The following TRIM66 variants were observed in gnomAD, a reference collection of about 807,000 sequenced individuals.
The protein encoded by TRIM66 is tripartite motif-containing protein 66.
TRIM66 carries 99 observed loss-of-function variants against 148.2 expected under a neutral mutation model. That is an observed-to-expected ratio of 0.67 (90% confidence interval 0.57 to 0.79). The LOEUF (loss-of-function observed/expected upper bound fraction) is 0.79, where lower values mean the gene tolerates loss of function less well. Among genes scored for constraint, TRIM66 ranks in the 30% least tolerant of loss-of-function variants. The pLI, the probability that TRIM66 is intolerant of heterozygous loss-of-function variation, is 0.00. For synonymous variants in TRIM66, 616 were observed against 635.9 expected, an observed-to-expected ratio of 0.97 and a Z score of 0.47; for missense variants, 1,666 against 1,697.9, an observed-to-expected ratio of 0.98 and a Z score of 0.33.
chr11:8,617,915 T>C lies in TRIM66; in HGVS notation c.*29A>G, dbSNP rs555144426. The C allele has an allele frequency of 6.4e-6, 10 of 1,550,642 alleles. No individual in the cohort carries two copies. In the African/African-American group the frequency reaches 1.4e-4, roughly 21 times the overall value. Reference sequence around the variant, plus strand: ...ATGGTCGACAGTATGGGACAACAGCTGCCAGAGTGCCCAGTCTCCTTTTGG... The same window carrying C: ...ATGGTCGACAGTATGGGACAACAGCCGCCAGAGTGCCCAGTCTCCTTTTGG... On this transcript the variant is annotated 3_prime_UTR_variant, in exon 25 of 25. Coordinates refer to ENST00000646038, the MANE Select transcript of TRIM66 (RefSeq NM_001388022.1).
chr11:8,672,746 C>A (rs1401360060), intron 4 of TRIM66, among the ~76,000 whole-genome samples: 1 of 151,518 alleles, frequency 6.6e-6, no homozygotes, highest in East Asian at 1.9e-4. Flanking sequence ...CTCATCCCAC[C>A]TCAGCCTCAC....
At chr11:8,633,342 G>A (rs1167840983) in intron 15 of TRIM66, among the ~76,000 whole-genome samples, 5 of 151,828 alleles carry the variant, frequency 3.3e-5, no homozygotes, top group Non-Finnish European at 7.4e-5. Context: ...AAATTATTTT[G>A]AATAGGAGTA....
At chr11:8,643,980 C>G (rs1185008505) in intron 12 of TRIM66, among the ~76,000 whole-genome samples, 1 of 152,200 alleles carries the variant, frequency 6.6e-6, no homozygotes, top group Non-Finnish European at 1.5e-5. Context: ...TCATTGATCT[C>G]TTGCATGGCA....
intron 6 of TRIM66, among the ~76,000 whole-genome samples, chr11:8,665,707 C>T (rs1486080200): frequency 6.6e-6 from 1 of 152,184 alleles, no homozygotes; most frequent in Non-Finnish European, 1.5e-5. Context: ...CCTGTAATCC[C>T]AGCACTTTGG....
At chr11:8,618,090 C>T in intron 24 of TRIM66, 87 bp from the exon 25 acceptor site, 1 of 1,286,968 alleles carries the variant, frequency 7.8e-7, no homozygotes, top group Non-Finnish European at 1.1e-6. Context: ...TGCAGTTCTG[C>T]CAAGTCAACG....
chr11:8,658,652 G>A (rs1053140227), intron 6 of TRIM66: 3 of 445,156 alleles, frequency 6.7e-6, no homozygotes, highest in Non-Finnish European at 3.0e-6. Context: ...CGCAGCAGCG[G>A]TGCCTGCACA....
intron 15 of TRIM66, among the ~76,000 whole-genome samples, chr11:8,628,992 C>T (rs2035139608): frequency 6.6e-6 from 1 of 152,114 alleles, no homozygotes; most frequent in Non-Finnish European, 1.5e-5. Flanking sequence ...TAATAGTGTT[C>T]AGTTTTTTAA....
chr11:8,634,184 T>A (rs1849082452), intron 15 of TRIM66, among the ~76,000 whole-genome samples: 3 of 152,158 alleles, frequency 2.0e-5, no homozygotes, highest in South Asian at 4.1e-4. Context: ...TTTCATTTTC[T>A]TAAGACAATC....
At position 8,628,636 on chromosome 11, in the gene TRIM66, A is replaced by AAAAGAGAGAG. The variant is rs1555042270; in HGVS notation, c.2311-3409_2311-3408insCTCTCTCTTT. The stretch of plus-strand genomic sequence containing the variant: ...TCAAAAAAAAAAAAAAAAAAAAAAA[A>AAAAGAGAGAG]AGAGAGAGAATCCAGATCTTTGGTA... On this transcript the variant is annotated intron_variant, in intron 15 of 24. Transcript: ENST00000646038. Among the ~76,000 whole-genome samples, 15 of 93,336 alleles carry AAAAGAGAGAG rather than the reference A, an allele frequency of 1.6e-4. 1 individual carries two copies. The highest frequency in any genetic ancestry group is 2.8e-4 in the East Asian group (1 of 3,622). The allele number at this position is 93,336 out of a possible 152,430, so 61.2% of individuals were successfully genotyped here.
intron 13 of TRIM66, among the ~76,000 whole-genome samples, chr11:8,642,505 G>A (rs1427922099): frequency 6.6e-6 from 1 of 152,060 alleles, no homozygotes; most frequent in East Asian, 1.9e-4. Flanking sequence ...TTGCAGCAGG[G>A]AAGAAAAATG....
At position 8,638,686 on chromosome 11, in the gene TRIM66, T is replaced by C. The variant is rs532030777; in HGVS notation, c.2278A>G (p.Ile760Val). The stretch of plus-strand genomic sequence containing the variant: ...ACCACATTTGGAGAGGAGTGCTGGA[T>C]GGTGCTGTCCACTGGGGGGACACTG... The part of the protein sequence containing the change: ...PLSVPPVDST[I>V]QHSSPNVVRK... The change falls in exon 15 of 25, where the codon ATC (isoleucine) becomes GTC (valine). Residue 760 changes from isoleucine to valine, a missense_variant. This residue lies in a region of TRIM66 where 1,431 missense variants were observed against 1,412.4 expected (regional missense o/e 1.01). Transcript: ENST00000646038. The C allele has an allele frequency of 1.3e-6, 2 of 1,549,564 alleles. No homozygotes were observed. The highest frequency in any genetic ancestry group is 2.7e-5 in the African/African-American group (2 of 72,938).
Position 8,651,908 on chromosome 11 carries a change from G to A in TRIM66, c.341-5C>T. 6.5e-7 allele frequency: 1 copy of A among 1,547,692 alleles called. No individual in the cohort carries two copies. The highest frequency in any genetic ancestry group is 8.7e-7 in the Non-Finnish European group (1 of 1,144,036). ...ACCCAGGACAGGAGATGAGCTCTGT[G>A]CAAGAAAGAAAGATAGCAGAGTCAG... On this transcript the variant is annotated splice_region_variant and splice_polypyrimidine_tract_variant and intron_variant, in intron 6 of 24. Transcript: ENST00000646038.
chr11:8,620,110 C>T lies in TRIM66; in HGVS notation c.3687G>A (p.Leu1229=). ...SMYDQKKCEK[L]VLSLCCNNLS... ...GGTTATTGCAGCACAAGGACAATAC[C>T]AGCTTCTCACACTTCTGCAAAATCA... The change falls in exon 22 of 25, where the codon CTG becomes CTA. Residue 1229 remains leucine, a synonymous_variant. Transcript: ENST00000646038. The T allele has an allele frequency of 6.4e-7, 1 of 1,551,686 alleles. No homozygotes were observed. The highest frequency in any genetic ancestry group is 8.7e-7 in the Non-Finnish European group (1 of 1,146,974).
At chr11:8,618,605 G>A in intron 24 of TRIM66, 145 bp downstream of exon 24, 1 of 735,456 alleles carries the variant, frequency 1.4e-6, no homozygotes, top group Admixed American at 2.5e-5. Flanking sequence ...TGCCTTCCCT[G>A]GGGGCTAAGG....
chr11:8,683,107 C>T (rs969926765), upstream of TRIM66: 2 of 1,329,780 alleles, frequency 1.5e-6, no homozygotes, highest in Non-Finnish European at 2.2e-6. Context: ...GAAGTTAGGT[C>T]TTTGACCCAC....
At chr11:8,682,785 G>A (rs201406733), upstream of TRIM66, 48 of 1,613,578 alleles carry the variant, frequency 3.0e-5, 1 homozygote, top group African/African-American at 2.3e-4. Context: ...ACTTGGCGAA[G>A]GCCTTCCTTT....
At chr11:8,658,889 C>T (rs925764151) in intron 6 of TRIM66, 31 of 811,546 alleles carry the variant, frequency 3.8e-5, no homozygotes, top group African/African-American at 2.2e-4. Flanking sequence ...TATCCTGTGA[C>T]GTCACAGTCA....
chr11:8,646,423 T>G, intron 11 of TRIM66, 24 bp downstream of exon 11: 1 of 1,542,916 alleles, frequency 6.5e-7, no homozygotes, highest in Non-Finnish European at 8.8e-7. Context: ...AACCCAACCA[T>G]CTGATCCATC....
intron 7 of TRIM66, among the ~76,000 whole-genome samples, chr11:8,651,085 C>G (rs1472869486): frequency 6.6e-6 from 1 of 152,134 alleles, no homozygotes; most frequent in Non-Finnish European, 1.5e-5. Flanking sequence ...GAAAAGTTGG[C>G]CTATCTGTGT....
Sources: gnomAD v4.1 joint callset for allele counts (sites outside exome capture counted in the v4.1 genomes callset) on GRCh38, gnomAD v4.1.1 for gene constraint, gnomAD v4.1.1 regional missense constraint, MANE v1.5 for transcripts, NCBI Gene and HGNC (gene_info 2026-07-23, HGNC 2026-07-21) for gene names.